The following PSME3IP1 variants were observed in gnomAD, a reference collection of about 807,000 sequenced individuals.
PSME3IP1 encodes proteasome activator subunit 3 interacting protein 1.
In PSME3IP1, 13 loss-of-function variants were observed where a neutral mutation model predicts 34.1. That is an observed-to-expected ratio of 0.38 (90% confidence interval 0.25 to 0.61). The LOEUF is 0.61. PSME3IP1 is among the 20% of genes least tolerant of loss of function. PSME3IP1 has a pLI of 0.60. For missense variants in PSME3IP1, 237 were observed against 301.4 expected, an observed-to-expected ratio of 0.79 and a Z score of 1.58; for synonymous variants, 93 against 114.3, an observed-to-expected ratio of 0.81 and a Z score of 1.19.
chr16:57,172,753 ACT>A lies in PSME3IP1; in HGVS notation c.226+21_226+22del, dbSNP rs755127738. 1.8e-5 allele frequency: 28 copies of A among 1,544,072 alleles called. No individual in the cohort carries two copies. The East Asian group carries it at 3.1e-4, about 17-fold the overall frequency. On this transcript the variant is annotated intron_variant, in intron 3 of 6. Coordinates refer to ENST00000309137, the MANE Select transcript of PSME3IP1 (RefSeq NM_024946.4). ...AAAAGTACCCCACAGAGCCCCTTGA[ACT>A]CTCTGTTTTCTGAAGCTTACTGAAT...
chr16:57,175,351 T>C (rs1351893187), intron 1 of PSME3IP1, among the ~76,000 whole-genome samples: 1 of 152,182 alleles, frequency 6.6e-6, no homozygotes, highest in African/African-American at 2.4e-5. Context: ...TTTTTCTTTA[T>C]TGGTTTCTTT....
In PSME3IP1 at chr16:57,167,216, T is replaced by C. The variant is rs1346298809; in HGVS notation, c.359A>G (p.Lys120Arg). 6.2e-7 allele frequency: 1 copy of C among 1,614,116 alleles called. No homozygotes were observed. Among genetic ancestry groups the C allele is most frequent in the African/African-American group, 1.3e-5 (1 of 74,944 alleles). ...KELKEYRNNL[K>R]KVGISQENKK... ...GTTCTCTTGAGAAATTCCAACCTTC[T>C]TGAGGTTATTGTGAGTTACCAGTTA... Residue 120 changes from lysine (K) to arginine (R), a missense_variant, in exon 5 of 7, where the codon AAG becomes AGG. Coordinates refer to ENST00000309137, the MANE Select transcript of PSME3IP1 (RefSeq NM_024946.4).
upstream of PSME3IP1, chr16:57,186,083 C>G (rs2074157239): frequency 2.0e-6 from 2 of 985,562 alleles, no homozygotes; most frequent in African/African-American, 3.5e-5. Flanking sequence ...ATCCGCGGAG[C>G]TCTTCCTCCC....
chr16:57,167,225 T>C lies in PSME3IP1; in HGVS notation c.350A>G (p.Asn117Ser), dbSNP rs890162641. Reference sequence around the variant, plus strand: ...AGAAATTCCAACCTTCTTGAGGTTATTGTGAGTTACCAGTTAAGGGTCAAA... The same window carrying C: ...AGAAATTCCAACCTTCTTGAGGTTACTGTGAGTTACCAGTTAAGGGTCAAA... Reference protein sequence around the residue: ...EELKELKEYRNNLKKVGISQE... With the variant: ...EELKELKEYRSNLKKVGISQE... The change falls in exon 5 of 7, where the codon AAT (asparagine) becomes AGT (serine). Residue 117 changes from asparagine (N) to serine (S), a missense_variant and splice_region_variant. By Grantham distance (46) the Asn-to-Ser change is conservative. Coordinates refer to ENST00000309137, the MANE Select transcript of PSME3IP1 (RefSeq NM_024946.4). 6.2e-7 allele frequency: 1 copy of C among 1,614,246 alleles called. No homozygotes were observed. The highest frequency in any genetic ancestry group is 1.1e-5 in the South Asian group (1 of 91,090).
chr16:57,165,153 T>TATATATA (rs2071713243), intron 5 of PSME3IP1, among the ~76,000 whole-genome samples: 1 of 147,600 alleles, frequency 6.8e-6, no homozygotes, highest in Non-Finnish European at 1.5e-5. Context: ...TAAGACACTG[T>TATATATA]TATATATATA....
chr16:57,179,935 T>C (rs1381561902), intron 1 of PSME3IP1, among the ~76,000 whole-genome samples: 1 of 152,238 alleles, frequency 6.6e-6, no homozygotes, highest in Non-Finnish European at 1.5e-5. Context: ...AAGACTTATT[T>C]CTGGCCAGAA....
At chr16:57,157,223 G>T (rs760422640) in intron 6 of PSME3IP1, among the ~76,000 whole-genome samples, 1 of 151,468 alleles carries the variant, frequency 6.6e-6, no homozygotes, top group Non-Finnish European at 1.5e-5. Context: ...GTAGGTAGGA[G>T]GACCACTTGA....
intron 3 of PSME3IP1, 52 bp from the exon 4 acceptor site, chr16:57,172,424 G>A (rs763141864): frequency 1.3e-6 from 2 of 1,569,792 alleles, no homozygotes; most frequent in African/African-American, 2.8e-5. Flanking sequence ...GGAAAAATAA[G>A]ATTTTTCCTT....
intron 1 of PSME3IP1, among the ~76,000 whole-genome samples, chr16:57,182,455 G>A (rs1354086904): frequency 9.8e-6 from 1 of 102,132 alleles, no homozygotes; most frequent in East Asian, 3.2e-4. Context: ...ACAAAAAAAC[G>A]CAGTCCCAGT....
chr16:57,183,359 G>T (rs2073898057), intron 1 of PSME3IP1, among the ~76,000 whole-genome samples: 1 of 151,910 alleles, frequency 6.6e-6, no homozygotes, highest in Admixed American at 6.6e-5. Flanking sequence ...TTGAGATAGG[G>T]TCTCGCTCTG....
At chr16:57,164,429 T>G (rs1196815434) in intron 5 of PSME3IP1, among the ~76,000 whole-genome samples, 1 of 152,156 alleles carries the variant, frequency 6.6e-6, no homozygotes, top group African/African-American at 2.4e-5. Flanking sequence ...GAAGAAAACA[T>G]CTTTAGTGAC....
chr16:57,166,534 A>G (rs1365187267), intron 5 of PSME3IP1, among the ~76,000 whole-genome samples: 1 of 152,112 alleles, frequency 6.6e-6, no homozygotes, highest in Non-Finnish European at 1.5e-5. Context: ...CCTAATCAGC[A>G]TCTTTCCAAT....
chr16:57,172,638 CT>C, intron 3 of PSME3IP1, 137 bp downstream of exon 3: 2 of 793,826 alleles, frequency 2.5e-6, no homozygotes, highest in Non-Finnish European at 4.2e-6. Context: ...AAGGCTGTCT[CT>C]TTTCCACCAA....
At chr16:57,181,490 A>G (rs1259575430) in intron 1 of PSME3IP1, 1 of 152,210 alleles carries the variant, frequency 6.6e-6, no homozygotes, top group African/African-American at 2.4e-5. Context: ...CAACCAACCA[A>G]TTCTGTAGCA....
intron 1 of PSME3IP1, chr16:57,174,521 A>G (rs1387299509): frequency 6.4e-5 from 63 of 985,236 alleles, no homozygotes; most frequent in Non-Finnish European, 7.2e-5. Flanking sequence ...TGAGCATCCC[A>G]TCCTTTTCCC....
chr16:57,178,607 T>C (rs2073413653), intron 1 of PSME3IP1: 2 of 985,198 alleles, frequency 2.0e-6, no homozygotes, highest in South Asian at 9.4e-5. Context: ...TTGGTAGCCA[T>C]CAAGCAAGTA....
At chr16:57,169,818 C>T (rs1597682276) in intron 4 of PSME3IP1, among the ~76,000 whole-genome samples, 1 of 152,126 alleles carries the variant, frequency 6.6e-6, no homozygotes, top group East Asian at 1.9e-4. Flanking sequence ...TGAAACAACA[C>T]AATATGGGTA....
intron 1 of PSME3IP1, chr16:57,174,614 A>C (rs2073000300): frequency 1.0e-6 from 1 of 985,314 alleles, no homozygotes; most frequent in Non-Finnish European, 1.2e-6. Flanking sequence ...CACTATCTTG[A>C]TTCACCTGCT....
intron 6 of PSME3IP1, among the ~76,000 whole-genome samples, chr16:57,160,247 G>A (rs191902240): frequency 0.018 from 2,760 of 150,330 alleles, 96 homozygotes; most frequent in African/African-American, 0.065. Flanking sequence ...CCGAGATTGC[G>A]CCACTGCAGT....
Sources: allele counts gnomAD v4.1 joint callset (sites outside exome capture counted in the v4.1 genomes callset), GRCh38; gene constraint gnomAD v4.1.1; transcripts MANE v1.5; gene names NCBI Gene and HGNC (gene_info 2026-07-23, HGNC 2026-07-21).